The following FHIT variants were observed in gnomAD, a reference collection of about 807,000 sequenced individuals.
The protein encoded by FHIT is bis(5'-adenosyl)-triphosphatase.
FHIT carries 19 observed loss-of-function variants against 17.9 expected under a neutral mutation model. The ratio of observed to expected loss-of-function variants is 1.06; its 90% confidence interval spans 0.74 to 1.56. The LOEUF (loss-of-function observed/expected upper bound fraction) is 1.56, where lower values mean the gene tolerates loss of function less well. Ranked by LOEUF, FHIT falls within the 40% of genes most tolerant of loss-of-function variation. The pLI, the probability that FHIT is intolerant of heterozygous loss-of-function variation, is 0.00. For missense variants in FHIT, 248 were observed against 189.2 expected (o/e 1.31, Z -1.82); for synonymous variants, 81 against 69.7 (o/e 1.16, Z -0.81).
intron 5 of FHIT, among the ~76,000 whole-genome samples, chr3:60,342,451 C>A (rs1710572948): frequency 6.6e-6 from 1 of 152,124 alleles, no homozygotes; most frequent in Non-Finnish European, 1.5e-5. Context: ...TGTGATAAAA[C>A]CTATTTAACA....
At chr3:60,296,290 T>C (rs1384594140) in intron 5 of FHIT, among the ~76,000 whole-genome samples, 1 of 152,074 alleles carries the variant, frequency 6.6e-6, no homozygotes, top group African/African-American at 2.4e-5. Flanking sequence ...ACCTCACAAC[T>C]TGAATAAAAA....
At chr3:60,622,446 TAA>T (rs2107755502) in intron 4 of FHIT, among the ~76,000 whole-genome samples, 1 of 152,202 alleles carries the variant, frequency 6.6e-6, no homozygotes, top group East Asian at 1.9e-4. Flanking sequence ...CTAACACACT[TAA>T]GAGAGAGAAA....
At chr3:60,495,457 C>A (rs1297574387) in intron 5 of FHIT, among the ~76,000 whole-genome samples, 1 of 151,704 alleles carries the variant, frequency 6.6e-6, no homozygotes. Flanking sequence ...ATGAGGTAAA[C>A]AAATATGAGT....
intron 5 of FHIT, among the ~76,000 whole-genome samples, chr3:60,317,489 T>A (rs563972261): frequency 6.6e-6 from 1 of 150,974 alleles, no homozygotes; most frequent in Non-Finnish European, 1.5e-5. Flanking sequence ...ACAGCAAAGC[T>A]ACTAACATGC....
chr3:60,238,609 T>G (rs1277242190), intron 5 of FHIT, among the ~76,000 whole-genome samples: 1 of 152,154 alleles, frequency 6.6e-6, no homozygotes, highest in Non-Finnish European at 1.5e-5. Context: ...CTTTAAAGAT[T>G]ACTGAATATG....
intron 1 of FHIT, among the ~76,000 whole-genome samples, chr3:61,201,828 GTGAAA>G (rs2039022051): frequency 8.5e-5 from 13 of 152,236 alleles, no homozygotes; most frequent in Admixed American, 8.5e-4. Context: ...TATTGCATTT[GTGAAA>G]TCTAAGAGAT....
chr3:61,115,669 A>G (rs751208210), intron 2 of FHIT, among the ~76,000 whole-genome samples: 3 of 152,176 alleles, frequency 2.0e-5, no homozygotes, highest in Non-Finnish European at 4.4e-5. Flanking sequence ...AGTGCCATTT[A>G]TTAATTTTAT....
intron 8 of FHIT, among the ~76,000 whole-genome samples, chr3:59,896,941 G>A (rs569776612): frequency 1.3e-5 from 2 of 152,232 alleles, no homozygotes; most frequent in East Asian, 3.9e-4. Context: ...TGTTAGCAAC[G>A]ATTGGGAGGG....
At chr3:59,922,086 G>T (rs192033797) in intron 8 of FHIT, among the ~76,000 whole-genome samples, 2 of 152,220 alleles carry the variant, frequency 1.3e-5, no homozygotes, top group Non-Finnish European at 2.9e-5. Context: ...TACTGTCCTG[G>T]TAAATGACAG....
chr3:60,473,761 T>C (rs1334245586), intron 5 of FHIT, among the ~76,000 whole-genome samples: 1 of 151,780 alleles, frequency 6.6e-6, no homozygotes, highest in African/African-American at 2.4e-5. Flanking sequence ...TCTACTAAAA[T>C]ACAATAAAAA....
chr3:60,284,334 G>A (rs1358848460), intron 5 of FHIT, among the ~76,000 whole-genome samples: 1 of 152,072 alleles, frequency 6.6e-6, no homozygotes, highest in African/African-American at 2.4e-5. Flanking sequence ...TAGACAAAAT[G>A]TGAATGCAAA....
chr3:60,037,731 TGA>T (rs1701277756), intron 5 of FHIT, among the ~76,000 whole-genome samples: 1 of 151,200 alleles, frequency 6.6e-6, no homozygotes, highest in Non-Finnish European at 1.5e-5. Flanking sequence ...TTTTTTTTTT[TGA>T]GATGGAGTCT....
chr3:60,106,656 T>G (rs1704427820), intron 5 of FHIT, among the ~76,000 whole-genome samples: 1 of 152,176 alleles, frequency 6.6e-6, no homozygotes. Flanking sequence ...AGGACAGTGC[T>G]GCTTCCCAGA....
At chr3:60,433,807 C>T (rs1051807281) in intron 5 of FHIT, among the ~76,000 whole-genome samples, 1 of 152,052 alleles carries the variant, frequency 6.6e-6, no homozygotes, top group Non-Finnish European at 1.5e-5. Context: ...GAATTCCTTA[C>T]ATATTTTGCA....
chr3:61,011,957 A>C (rs1173750967), intron 3 of FHIT, among the ~76,000 whole-genome samples: 1 of 152,212 alleles, frequency 6.6e-6, no homozygotes, highest in Non-Finnish European at 1.5e-5. Flanking sequence ...ACCCAAGTTG[A>C]AAGAAAGTAG....
At chr3:60,997,588 A>G (rs931502126) in intron 3 of FHIT, among the ~76,000 whole-genome samples, 30 of 152,220 alleles carry the variant, frequency 2.0e-4, no homozygotes, top group African/African-American at 7.2e-4. Context: ...ACCACTCCCT[A>G]TAGTTTTATA....
chr3:60,452,225 A>G (rs2107373369), intron 5 of FHIT, among the ~76,000 whole-genome samples: 1 of 152,312 alleles, frequency 6.6e-6, no homozygotes, highest in South Asian at 2.1e-4. Flanking sequence ...ACACTCAATA[A>G]TAAAATCACA....
At chr3:60,653,434 AAAAAT>A (rs1181235328) in intron 4 of FHIT, among the ~76,000 whole-genome samples, 1 of 152,110 alleles carries the variant, frequency 6.6e-6, no homozygotes, top group Non-Finnish European at 1.5e-5. Context: ...TAAGTGAGAA[AAAAAT>A]AAAATATATA....
chr3:60,403,703 G>C (rs891270037), intron 5 of FHIT, among the ~76,000 whole-genome samples: 3 of 152,030 alleles, frequency 2.0e-5, no homozygotes, highest in African/African-American at 4.8e-5. Flanking sequence ...CACCTTGCTG[G>C]GTTTTCTCAG....
Sources: gnomAD v4.1 joint callset for allele counts (sites outside exome capture counted in the v4.1 genomes callset) on GRCh38, gnomAD v4.1.1 for gene constraint, MANE v1.5 for transcripts, NCBI Gene and HGNC (gene_info 2026-07-23, HGNC 2026-07-21) for gene names.